Variants in TMEM161B observed in about 807,000 individuals in gnomAD.
TMEM161B encodes transmembrane protein 161B.
Under a neutral mutation model 61.8 loss-of-function variants are expected in TMEM161B, and 34 were observed. That is an observed-to-expected ratio of 0.55 (90% CI 0.42 to 0.73). TMEM161B has a LOEUF of 0.73. TMEM161B is among the 30% of genes least tolerant of loss of function. The probability of loss-of-function intolerance (pLI) is 0.00; values close to 1 mark genes in which losing one functional copy is unlikely to be tolerated. For missense variants in TMEM161B, 456 were observed against 558.5 expected (o/e 0.82, Z 1.85); for synonymous variants, 167 against 192.8 (o/e 0.87, Z 1.11).
intron 2 of TMEM161B, among the ~76,000 whole-genome samples, chr5:88,233,271 G>C (rs1159656353): frequency 7.2e-5 from 11 of 152,184 alleles, no homozygotes; most frequent in Admixed American, 7.2e-4. Context: ...GAAACAAGTG[G>C]TGAAAATGTG....
At chr5:88,227,749 G>A (rs1449160310) in intron 3 of TMEM161B, among the ~76,000 whole-genome samples, 1 of 152,106 alleles carries the variant, frequency 6.6e-6, no homozygotes, top group African/African-American at 2.4e-5. Context: ...AGTCACAGGG[G>A]ACCTAAGAAG....
At chr5:88,203,667 T>G (rs1193724275) in intron 8 of TMEM161B, among the ~76,000 whole-genome samples, 2 of 150,020 alleles carry the variant, frequency 1.3e-5, no homozygotes, top group East Asian at 3.9e-4. Context: ...ATTTTTAACT[T>G]CCATTGTTAA....
At chr5:88,259,624 G>A (rs1755442002) in intron 1 of TMEM161B, among the ~76,000 whole-genome samples, 2 of 152,320 alleles carry the variant, frequency 1.3e-5, no homozygotes, top group Admixed American at 1.3e-4. Flanking sequence ...AGTGGATGCA[G>A]TTAAGGTAGA....
Position 88,203,017 on chromosome 5 carries a change from G to A in TMEM161B, c.859C>T (p.Pro287Ser), listed in dbSNP as rs1365750316. 1.9e-6 allele frequency: 3 copies of A among 1,611,788 alleles called. No homozygotes were observed. Among genetic ancestry groups the A allele is most frequent in the Non-Finnish European group, 2.5e-6 (3 of 1,178,370 alleles). The change falls in exon 9 of 12, where the codon CCA becomes TCA. Residue 287 changes from proline to serine, a missense_variant. This residue lies in a region of TMEM161B where 367 missense variants were observed against 427.3 expected (regional missense o/e 0.86). Coordinates refer to ENST00000296595, the MANE Select transcript of TMEM161B (RefSeq NM_153354.5). ...TTCATAATGTAGTCTTTGGTGATTG[G>A]TTTTACCCAGAGCAGAACCATAAAT... ...PLFMVLLWVK[P>S]ITKDYIMNPP...
At chr5:88,225,195 C>T (rs565062463) in intron 4 of TMEM161B, among the ~76,000 whole-genome samples, 1 of 152,064 alleles carries the variant, frequency 6.6e-6, no homozygotes, top group Non-Finnish European at 1.5e-5. Flanking sequence ...TCTCGATCTC[C>T]TGACCTCATG....
At chr5:88,243,156 A>C (rs1255174277) in intron 1 of TMEM161B, among the ~76,000 whole-genome samples, 1 of 151,698 alleles carries the variant, frequency 6.6e-6, no homozygotes, top group Non-Finnish European at 1.5e-5. Flanking sequence ...TGCATGTCAC[A>C]GTGGTCTGGG....
chr5:88,217,178 G>T (rs1748015961), intron 5 of TMEM161B, among the ~76,000 whole-genome samples: 1 of 152,150 alleles, frequency 6.6e-6, no homozygotes, highest in South Asian at 2.1e-4. Flanking sequence ...AAACATTTGA[G>T]CTCAGGAGTT....
chr5:88,217,693 G>A (rs1748140737), intron 5 of TMEM161B, among the ~76,000 whole-genome samples: 1 of 152,100 alleles, frequency 6.6e-6, no homozygotes, highest in Non-Finnish European at 1.5e-5. Context: ...GGAGATTTAT[G>A]CTTTGGAGAG....
At chr5:88,207,689 A>C (rs952222803) in intron 5 of TMEM161B, among the ~76,000 whole-genome samples, 4 of 152,186 alleles carry the variant, frequency 2.6e-5, no homozygotes, top group African/African-American at 9.7e-5. Context: ...AAAAACAGCA[A>C]AAGTTTCAAC....
intron 3 of TMEM161B, among the ~76,000 whole-genome samples, chr5:88,226,653 TA>T (rs779863179): frequency 2.1e-4 from 32 of 152,226 alleles, no homozygotes; most frequent in African/African-American, 7.5e-4. Context: ...TATCCTTGAA[TA>T]AAAAACTGGA....
chr5:88,229,489 G>T (rs1561373013), intron 2 of TMEM161B, among the ~76,000 whole-genome samples: 2 of 143,200 alleles, frequency 1.4e-5, no homozygotes, highest in African/African-American at 2.6e-5. Context: ...CTAGTTATTG[G>T]TTTTTTTTTT....
At position 88,228,638 on chromosome 5, in the gene TMEM161B, T is replaced by C. The variant is rs1038711668; in HGVS notation, c.108-110A>G. 8 of 780,702 alleles carry C rather than the reference T, an allele frequency of 1.0e-5. No individual in the cohort carries two copies. In the African/African-American group the frequency reaches 1.4e-4, roughly 14 times the overall value. 48.4% of individuals were successfully genotyped at this position (780,702 alleles called of 1,614,324 possible). ...TATTTGTGAAGACACTGTCGAGAAATATCAGGTGAAAACTGTAATCTGAAA... is the reference window on the plus strand; with the variant it reads ...TATTTGTGAAGACACTGTCGAGAAACATCAGGTGAAAACTGTAATCTGAAA... On this transcript the variant is annotated intron_variant, in intron 2 of 11. Transcript: ENST00000296595.
intron 7 of TMEM161B, 82 bp from the exon 8 acceptor site, chr5:88,206,036 T>C: frequency 2.7e-6 from 3 of 1,121,008 alleles, no homozygotes; most frequent in Non-Finnish European, 3.8e-6. Flanking sequence ...TCAATTATCT[T>C]ACAAATAACA....
At chr5:88,211,725 C>T (rs918599047) in intron 5 of TMEM161B, among the ~76,000 whole-genome samples, 4 of 148,896 alleles carry the variant, frequency 2.7e-5, no homozygotes, top group South Asian at 2.1e-4. Flanking sequence ...GAGCCGAGAT[C>T]GCACCACTGC....
chr5:88,227,867 G>A (rs2112575051), intron 3 of TMEM161B, among the ~76,000 whole-genome samples: 1 of 152,222 alleles, frequency 6.6e-6, no homozygotes, highest in African/African-American at 2.4e-5. Flanking sequence ...CTTAAAGCTG[G>A]AAGGATTATT....
intron 4 of TMEM161B, among the ~76,000 whole-genome samples, chr5:88,222,580 A>G (rs1749202078): frequency 6.6e-6 from 1 of 152,192 alleles, no homozygotes; most frequent in South Asian, 2.1e-4. Flanking sequence ...TTTATTATCA[A>G]TAATTGAAAT....
At chr5:88,238,720 T>C (rs960793875) in intron 2 of TMEM161B, among the ~76,000 whole-genome samples, 2 of 152,050 alleles carry the variant, frequency 1.3e-5, no homozygotes, top group Non-Finnish European at 2.9e-5. Flanking sequence ...GGTTTTTTTC[T>C]ATTAAAACAG....
At chr5:88,221,907 A>G (rs1376138287) in intron 4 of TMEM161B, 1 of 334,788 alleles carries the variant, frequency 3.0e-6, no homozygotes, top group Non-Finnish European at 6.0e-6. Context: ...CTTATAGAAA[A>G]AGTATTTTGA....
chr5:88,221,923 T>C (rs1749064938), intron 4 of TMEM161B, among the ~76,000 whole-genome samples: 1 of 152,238 alleles, frequency 6.6e-6, no homozygotes, highest in South Asian at 2.1e-4. Flanking sequence ...TTTGAAAATA[T>C]CACATACAGT....
Sources: allele counts gnomAD v4.1 joint callset (sites outside exome capture counted in the v4.1 genomes callset), GRCh38; gene constraint gnomAD v4.1.1; regional missense constraint gnomAD v4.1.1; transcripts MANE v1.5; gene names NCBI Gene and HGNC (gene_info 2026-07-23, HGNC 2026-07-21).